The following TBC1D32 variants were observed in gnomAD, a reference collection of about 807,000 sequenced individuals.
TBC1D32 encodes the protein protein broad-minded.
A neutral mutation model predicts 170.3 loss-of-function variants in TBC1D32; 151 were observed. The observed-to-expected ratio is 0.89, with a 90% CI of 0.78 to 1.01. The LOEUF (loss-of-function observed/expected upper bound fraction) is 1.01, where lower values mean the gene tolerates loss of function less well. Ranked by LOEUF, TBC1D32 falls within the 50% of genes least tolerant of loss-of-function variation. The pLI is 0.00. For missense variants in TBC1D32, 1,464 were observed against 1,457.1 expected, an observed-to-expected ratio of 1.00 and a Z score of -0.08; for synonymous variants, 498 against 488.0, an observed-to-expected ratio of 1.02 and a Z score of -0.27.
chr6:121,297,584 G>T (rs1163818113), intron 10 of TBC1D32, among the ~76,000 whole-genome samples: 2 of 151,972 alleles, frequency 1.3e-5, no homozygotes, highest in Non-Finnish European at 2.9e-5. Context: ...ATGTCTTTCA[G>T]ATTCTATGGG....
rs370192787 is a variant in TBC1D32 at position 121,308,131 on chromosome 6, C to T, written c.565-30G>A. On this transcript the variant is annotated intron_variant, in intron 4 of 31. Transcript: ENST00000398212. ...AATTTTTTTAAAAGACTTTTATTAA[C>T]ACTCAGTCACTAAAATAATGCCACT... 8.1e-4 allele frequency: 1,301 copies of T among 1,599,308 alleles called. 32 individuals carry two copies. The South Asian group carries it at 0.014, about 17-fold the overall frequency.
At chr6:121,192,053 A>T (rs369414273) in intron 22 of TBC1D32, among the ~76,000 whole-genome samples, 19,775 of 59,392 alleles carry the variant, frequency 0.33, 1,894 homozygotes, top group Non-Finnish European at 0.5. Flanking sequence ...GTTAATACTT[A>T]ATAAACTACC....
intron 24 of TBC1D32, among the ~76,000 whole-genome samples, chr6:121,159,786 C>T (rs1487553499): frequency 6.6e-6 from 1 of 152,076 alleles, no homozygotes; most frequent in East Asian, 1.9e-4. Context: ...TATAAGACCA[C>T]CTTTGTATAC....
chr6:121,126,161 G>C (rs969200940), intron 26 of TBC1D32, among the ~76,000 whole-genome samples: 1 of 152,064 alleles, frequency 6.6e-6, no homozygotes, highest in Non-Finnish European at 1.5e-5. Context: ...AGTGGATAGA[G>C]AGAGAAAAAG....
Position 121,161,032 on chromosome 6 carries a change from T to A in TBC1D32, c.2595A>T (p.Ser865=). ...TAACAAGAACATGATTTCTCTCCAC[T>A]GATAAGCCATCAATTATAAAGTCCC... The part of the protein sequence containing the change: ...GLRDFIIDGL[S]VERNHVLVRI... The change falls in exon 23 of 32, where the codon TCA becomes TCT. Residue 865 remains serine (S), a synonymous_variant. Transcript: ENST00000398212. 6.2e-7 allele frequency: 1 copy of A among 1,612,962 alleles called. No individual in the cohort carries two copies. The highest frequency in any genetic ancestry group is 8.5e-7 in the Non-Finnish European group (1 of 1,179,516).
chr6:121,178,335 T>C (rs1412414300), intron 22 of TBC1D32, among the ~76,000 whole-genome samples: 1 of 152,084 alleles, frequency 6.6e-6, no homozygotes, highest in Non-Finnish European at 1.5e-5. Context: ...GAGAAATCAC[T>C]GGGGATGGTT....
chr6:121,301,239 A>T (rs1315288325), intron 9 of TBC1D32, among the ~76,000 whole-genome samples: 1 of 152,184 alleles, frequency 6.6e-6, no homozygotes, highest in Non-Finnish European at 1.5e-5. Context: ...ACACATGCAC[A>T]CATATGTTTA....
chr6:121,160,141 TC>T (rs1165664458), intron 23 of TBC1D32, 38 bp from the exon 24 acceptor site: 3 of 1,248,198 alleles, frequency 2.4e-6, no homozygotes, highest in Non-Finnish European at 3.5e-6. Context: ...TAGGAAGTGG[TC>T]TAAAATAATA....
At chr6:121,123,544 G>A (rs1257104356) in intron 26 of TBC1D32, among the ~76,000 whole-genome samples, 1 of 151,904 alleles carries the variant, frequency 6.6e-6, no homozygotes, top group Non-Finnish European at 1.5e-5. Context: ...TCTGATATAA[G>A]TATAGTTACT....
chr6:121,307,857 G>A (rs532600295), intron 5 of TBC1D32, 119 bp downstream of exon 5: 26 of 1,131,912 alleles, frequency 2.3e-5, no homozygotes, highest in South Asian at 6.9e-5. Flanking sequence ...AGTGAAACTC[G>A]GTCTCAAAAA....
At chr6:121,206,784 G>A (rs1792334003) in intron 21 of TBC1D32, among the ~76,000 whole-genome samples, 1 of 152,184 alleles carries the variant, frequency 6.6e-6, no homozygotes, top group Non-Finnish European at 1.5e-5. Context: ...AATTGTTGCT[G>A]TTATCTACTA....
At chr6:121,291,322 T>C (rs906620963) in intron 12 of TBC1D32, among the ~76,000 whole-genome samples, 3 of 152,090 alleles carry the variant, frequency 2.0e-5, no homozygotes, top group Non-Finnish European at 2.9e-5. Flanking sequence ...CTAAGGATAG[T>C]TGTTTCAGGC....
chr6:121,242,052 A>T (rs1797050944), intron 18 of TBC1D32, 149 bp downstream of exon 18: 3 of 670,626 alleles, frequency 4.5e-6, no homozygotes, highest in South Asian at 2.4e-5. Flanking sequence ...ATGTTTTCCT[A>T]AAAAAAAATC....
At chr6:121,296,027 G>A (rs1182164996) in intron 10 of TBC1D32, among the ~76,000 whole-genome samples, 1 of 152,122 alleles carries the variant, frequency 6.6e-6, no homozygotes, top group East Asian at 1.9e-4. Context: ...GTACCAGGCA[G>A]AGGGTTTCTA....
chr6:121,217,899 A>G (rs1298413993), intron 21 of TBC1D32, among the ~76,000 whole-genome samples: 1 of 152,250 alleles, frequency 6.6e-6, no homozygotes, highest in Non-Finnish European at 1.5e-5. Context: ...GGGAAGAATC[A>G]TAATGATTTC....
intron 24 of TBC1D32, among the ~76,000 whole-genome samples, chr6:121,153,382 G>A (rs1784451888): frequency 2.0e-5 from 3 of 152,124 alleles, no homozygotes; most frequent in Admixed American, 6.6e-5. Flanking sequence ...TCCCAGAGGG[G>A]CACCCACCAG....
At chr6:121,100,831 G>A (rs919362474) in intron 30 of TBC1D32, among the ~76,000 whole-genome samples, 3 of 152,006 alleles carry the variant, frequency 2.0e-5, no homozygotes, top group African/African-American at 7.2e-5. Flanking sequence ...AAGATTGATA[G>A]ACTGCTAGCC....
intron 22 of TBC1D32, among the ~76,000 whole-genome samples, chr6:121,196,583 A>G (rs546892828): frequency 6.6e-6 from 1 of 152,216 alleles, no homozygotes; most frequent in African/African-American, 2.4e-5. Context: ...GGTATTACAC[A>G]CAGCATTGCC....
At chr6:121,140,040 T>C (rs1439888020) in intron 24 of TBC1D32, among the ~76,000 whole-genome samples, 1 of 152,138 alleles carries the variant, frequency 6.6e-6, no homozygotes, top group Non-Finnish European at 1.5e-5. Flanking sequence ...GTATTTTCAC[T>C]TGTCTACTTT....
Sources: gnomAD v4.1 joint callset for allele counts (sites outside exome capture counted in the v4.1 genomes callset) on GRCh38, gnomAD v4.1.1 for gene constraint, MANE v1.5 for transcripts, NCBI Gene and HGNC (gene_info 2026-07-23, HGNC 2026-07-21) for gene names.